Variants in TMEM41B observed in about 807,000 individuals in gnomAD.
TMEM41B encodes the protein protein stasimon.
A neutral mutation model predicts 31.9 loss-of-function variants in TMEM41B; 18 were observed. The ratio of observed to expected loss-of-function variants is 0.56; its 90% CI spans 0.39 to 0.84. TMEM41B has a LOEUF of 0.84. Among genes scored for constraint, TMEM41B ranks in the 40% least tolerant of loss-of-function variants. The pLI is 0.00. For synonymous variants in TMEM41B, 144 were observed against 124.3 expected (o/e 1.16, Z -1.05); for missense variants, 322 against 348.0 (o/e 0.93, Z 0.59).
At position 9,282,147 on chromosome 11, in the gene TMEM41B, G is replaced by T. The variant is rs1852730836; in HGVS notation, c.*1277C>A. The stretch of plus-strand genomic sequence containing the variant: ...AATCCCAGCACTTTGGGAGGTGGAA[G>T]TGGGCATATAGCCTGAGGTCAGGAG... On this transcript the variant is annotated 3_prime_UTR_variant, in exon 7 of 7. Coordinates refer to ENST00000528080, the MANE Select transcript of TMEM41B (RefSeq NM_015012.4). The T allele has an allele frequency of 6.6e-6, 1 of 152,174 alleles. No individual in the cohort carries two copies. Among genetic ancestry groups the T allele is most frequent in the Admixed American group, 6.6e-5 (1 of 15,258 alleles). The allele number at this position is 152,174 out of a possible 1,614,324, so 9.4% of individuals were successfully genotyped here.
At chr11:9,291,048 A>G (rs1364184264) in intron 3 of TMEM41B, among the ~76,000 whole-genome samples, 1 of 152,082 alleles carries the variant, frequency 6.6e-6, no homozygotes, top group African/African-American at 2.4e-5. Flanking sequence ...CCCAGAGGGC[A>G]GACGTTGTAG....
chr11:9,301,111 T>C (rs1853244722), intron 1 of TMEM41B, among the ~76,000 whole-genome samples: 1 of 151,972 alleles, frequency 6.6e-6, no homozygotes. Flanking sequence ...ATGTATACTA[T>C]ATGGCCCGGC....
intron 3 of TMEM41B, among the ~76,000 whole-genome samples, chr11:9,294,815 T>A (rs1457327033): frequency 3.3e-5 from 5 of 151,892 alleles, no homozygotes; most frequent in African/African-American, 9.7e-5. Context: ...GAAAAAAACA[T>A]GAACAAAGGA....
At chr11:9,298,763 A>G (rs1853162999) in intron 2 of TMEM41B, among the ~76,000 whole-genome samples, 1 of 126,752 alleles carries the variant, frequency 7.9e-6, no homozygotes, top group African/African-American at 2.9e-5. Context: ...GAGTGAAACT[A>G]TCTCAAATGA....
rs748454367 is a variant in TMEM41B, at chr11:9,286,575, G to A, written c.586C>T (p.His196Tyr). The A allele has an allele frequency of 5.6e-6, 9 of 1,610,478 alleles. No homozygotes were observed. Among genetic ancestry groups the A allele is most frequent in the South Asian group, 5.5e-5 (5 of 90,290 alleles). ...WSQQVERHRE[H>Y]LINYIIFLRI... ...AAAAATATAATGTAGTTAATGAGAT[G>A]TTCTCTATGACGTTCAACCTGTCAT... The change falls in exon 6 of 7, where the codon CAT becomes TAT. Residue 196 changes from histidine (H) to tyrosine (Y), a missense_variant. Physicochemically the swap from His to Tyr is moderately conservative, Grantham distance 83. Coordinates refer to ENST00000528080, the MANE Select transcript of TMEM41B (RefSeq NM_015012.4).
rs1250285909 is a variant in TMEM41B, at chr11:9,282,901, T to G, written c.*523A>C. On this transcript the variant is annotated 3_prime_UTR_variant, in exon 7 of 7. Transcript: ENST00000528080. The stretch of plus-strand genomic sequence containing the variant: ...GTGAGTGGAGATCGCGCCACTGCAC[T>G]CCAGCCTGGGCGGCAGAGCTAGACT... 1 of 128,174 alleles carries G rather than the reference T, an allele frequency of 7.8e-6. No homozygotes were observed. Among genetic ancestry groups the G allele is most frequent in the Non-Finnish European group, 1.5e-5 (1 of 64,668 alleles). The allele number at this position is 128,174 out of a possible 1,614,324, so 7.9% of individuals were successfully genotyped here.
At chr11:9,297,543 T>A (rs1301800928) in intron 2 of TMEM41B, among the ~76,000 whole-genome samples, 1 of 151,942 alleles carries the variant, frequency 6.6e-6, no homozygotes, top group Non-Finnish European at 1.5e-5. Flanking sequence ...AATACAAAAA[T>A]TAGCTGGGCA....
chr11:9,296,915 C>T (rs1853104759), intron 2 of TMEM41B, among the ~76,000 whole-genome samples: 1 of 151,302 alleles, frequency 6.6e-6, no homozygotes, highest in Non-Finnish European at 1.5e-5. Flanking sequence ...ATGATCATTT[C>T]TTTTTTTTTG....
chr11:9,314,144 C>G (rs1405000860), intron 1 of TMEM41B, among the ~76,000 whole-genome samples, 177 bp downstream of exon 1: 1 of 152,224 alleles, frequency 6.6e-6, no homozygotes, highest in Non-Finnish European at 1.5e-5. Flanking sequence ...ACTCGGCGTC[C>G]GGCCTTGTGC....
intron 1 of TMEM41B, among the ~76,000 whole-genome samples, chr11:9,301,317 C>T (rs963293245): frequency 2.0e-5 from 3 of 152,046 alleles, no homozygotes; most frequent in Non-Finnish European, 4.4e-5. Flanking sequence ...ATGGCATGAA[C>T]CTGGGAGGCG....
chr11:9,287,939 G>C, intron 4 of TMEM41B, 133 bp from the exon 5 acceptor site: 1 of 686,430 alleles, frequency 1.5e-6, no homozygotes, highest in Non-Finnish European at 2.5e-6. Flanking sequence ...GACATCTCTT[G>C]TGCAGAGATG....
intron 2 of TMEM41B, among the ~76,000 whole-genome samples, chr11:9,295,665 G>A (rs977867444): frequency 6.6e-6 from 1 of 152,004 alleles, no homozygotes; most frequent in African/African-American, 2.4e-5. Flanking sequence ...CTTCTGAGAA[G>A]CTGGGATCAC....
intron 1 of TMEM41B, 106 bp downstream of exon 1, chr11:9,314,214 GC>G (rs879335899): frequency 7.9e-5 from 107 of 1,351,526 alleles, no homozygotes; most frequent in Non-Finnish European, 1.0e-4. Context: ...GCGCCAGCAG[GC>G]CCCCCTCTTT....
At chr11:9,294,803 A>T (rs1215739716) in intron 3 of TMEM41B, among the ~76,000 whole-genome samples, 4 of 152,170 alleles carry the variant, frequency 2.6e-5, no homozygotes, top group South Asian at 2.1e-4. Context: ...GAAACAATGC[A>T]AGAAAAAAAC....
chr11:9,288,013 G>A, intron 4 of TMEM41B: 3 of 548,448 alleles, frequency 5.5e-6, no homozygotes, highest in Non-Finnish European at 9.5e-6. Context: ...ACTGGCACTT[G>A]TGATTACACC....
At chr11:9,298,638 C>T (rs1853159942) in intron 2 of TMEM41B, among the ~76,000 whole-genome samples, 1 of 151,928 alleles carries the variant, frequency 6.6e-6, no homozygotes, top group Admixed American at 6.6e-5. Context: ...TGGTGGCACA[C>T]ATCTATAATC....
intron 1 of TMEM41B, among the ~76,000 whole-genome samples, chr11:9,309,119 T>G (rs950095019): frequency 6.6e-6 from 1 of 152,088 alleles, no homozygotes; most frequent in Non-Finnish European, 1.5e-5. Flanking sequence ...TGGTGACGTG[T>G]GCCTGTAATC....
At chr11:9,285,072 C>T (rs1025961557) in intron 6 of TMEM41B, among the ~76,000 whole-genome samples, 4 of 147,816 alleles carry the variant, frequency 2.7e-5, no homozygotes, top group Non-Finnish European at 4.5e-5. Context: ...CTTTTCTTTT[C>T]ATTCTTTCCT....
At chr11:9,313,426 CTTTAAG>C (rs1224002483) in intron 1 of TMEM41B, among the ~76,000 whole-genome samples, 1 of 152,194 alleles carries the variant, frequency 6.6e-6, no homozygotes, top group Non-Finnish European at 1.5e-5. Context: ...GTTAGGATCA[CTTTAAG>C]TTTATGAGCT....
Sources: allele counts gnomAD v4.1 joint callset (sites outside exome capture counted in the v4.1 genomes callset), GRCh38; gene constraint gnomAD v4.1.1; transcripts MANE v1.5; gene names NCBI Gene and HGNC (gene_info 2026-07-23, HGNC 2026-07-21).